The following CNTN5 variants were observed in gnomAD, a reference collection of about 807,000 sequenced individuals.
CNTN5 encodes the protein contactin 5.
Under a neutral mutation model 129.1 loss-of-function variants are expected in CNTN5, and 77 were observed. That is an observed-to-expected ratio of 0.60 (90% CI 0.50 to 0.72). CNTN5 has a LOEUF of 0.72. Among genes scored for constraint, CNTN5 ranks in the 30% least tolerant of loss-of-function variants. The probability of loss-of-function intolerance (pLI) is 0.00; values close to 1 mark genes in which losing one functional copy is unlikely to be tolerated. For missense variants in CNTN5, 1,478 were observed against 1,328.8 expected, an observed-to-expected ratio of 1.11 and a Z score of -1.75; for synonymous variants, 509 against 465.6, an observed-to-expected ratio of 1.09 and a Z score of -1.20.
intron 10 of CNTN5, among the ~76,000 whole-genome samples, chr11:100,066,473 A>G (rs1037599888): frequency 5.3e-5 from 8 of 152,162 alleles, no homozygotes; most frequent in African/African-American, 1.9e-4. Context: ...GACAAGAGAT[A>G]ATAAGCAAGA....
chr11:100,275,191 GT>G (rs1230786167), intron 18 of CNTN5, among the ~76,000 whole-genome samples: 1 of 151,838 alleles, frequency 6.6e-6, no homozygotes, highest in South Asian at 2.1e-4. Flanking sequence ...ATTATAAGTT[GT>G]TTTTTTCTGC....
chr11:99,740,284 T>A (rs7107475), intron 3 of CNTN5, among the ~76,000 whole-genome samples: 1 of 152,006 alleles, frequency 6.6e-6, no homozygotes, highest in African/African-American at 2.4e-5. Flanking sequence ...TAAGAAAAAT[T>A]TGTACAATCT....
intron 6 of CNTN5, among the ~76,000 whole-genome samples, chr11:99,875,627 C>G (rs1283141112): frequency 3.3e-5 from 5 of 152,052 alleles, no homozygotes; most frequent in African/African-American, 1.2e-4. Context: ...CCTCCCTAAT[C>G]TCTCATATTA....
chr11:99,202,340 C>T (rs949832235), intron 1 of CNTN5, among the ~76,000 whole-genome samples: 1 of 152,080 alleles, frequency 6.6e-6, no homozygotes, highest in African/African-American at 2.4e-5. Flanking sequence ...TTTATTTTGA[C>T]CATAAAAATA....
chr11:99,956,631 C>T (rs944201590), intron 7 of CNTN5, among the ~76,000 whole-genome samples, 175 bp from the exon 8 acceptor site: 1 of 151,992 alleles, frequency 6.6e-6, no homozygotes, highest in Non-Finnish European at 1.5e-5. Context: ...CAGATCTCAC[C>T]GTAGTCATTA....
At chr11:100,079,384 G>A (rs1366145698) in intron 13 of CNTN5, among the ~76,000 whole-genome samples, 1 of 152,004 alleles carries the variant, frequency 6.6e-6, no homozygotes, top group Non-Finnish European at 1.5e-5. Context: ...CATCTTTTAT[G>A]TCATAAATTT....
intron 2 of CNTN5, among the ~76,000 whole-genome samples, chr11:99,511,595 C>A (rs1166605177): frequency 1.3e-5 from 2 of 151,854 alleles, no homozygotes; most frequent in Non-Finnish European, 2.9e-5. Context: ...TCCTGGGTAT[C>A]CTTGTTAACT....
intron 13 of CNTN5, among the ~76,000 whole-genome samples, chr11:100,099,308 A>G (rs1204177303): frequency 6.6e-6 from 1 of 151,458 alleles, no homozygotes; most frequent in Non-Finnish European, 1.5e-5. Context: ...TTTCAGGCAA[A>G]CTGGGGTGGT....
chr11:100,010,608 C>T (rs1420935577), intron 9 of CNTN5, among the ~76,000 whole-genome samples: 1 of 148,856 alleles, frequency 6.7e-6, no homozygotes, highest in African/African-American at 2.5e-5. Context: ...AGTGCCCCCT[C>T]CTGGCAGTGT....
rs533512514 is a variant in CNTN5 at position 100,325,752 on chromosome 11, G to C, written c.2731-14711G>C. 2.0e-5 allele frequency among the ~76,000 whole-genome samples: 3 copies of C among 152,308 alleles called. No individual in the cohort carries two copies. In the South Asian group the frequency reaches 6.2e-4, roughly 32 times the overall value. ...ATAGACTACTGGTCTGGGAGATAAA[G>C]TCTAGAAATGGATGTCTCACCATTC... On this transcript the variant is annotated intron_variant, in intron 21 of 24. Transcript: ENST00000524871.
chr11:99,670,788 G>A (rs1418776615), intron 3 of CNTN5, among the ~76,000 whole-genome samples: 2 of 152,114 alleles, frequency 1.3e-5, no homozygotes, highest in Non-Finnish European at 2.9e-5. Context: ...TCTTATCCAT[G>A]CTGCCAACTA....
intron 1 of CNTN5, among the ~76,000 whole-genome samples, chr11:99,184,702 G>C (rs1346307696): frequency 6.6e-6 from 1 of 152,058 alleles, no homozygotes; most frequent in Non-Finnish European, 1.5e-5. Context: ...CATACAGCTT[G>C]AAGTGTATTA....
At chr11:99,890,907 A>G (rs1031923702) in intron 6 of CNTN5, among the ~76,000 whole-genome samples, 2 of 152,158 alleles carry the variant, frequency 1.3e-5, no homozygotes, top group Non-Finnish European at 2.9e-5. Flanking sequence ...TCTCTCTCAA[A>G]CCAATATCCC....
At chr11:100,340,136 G>A (rs1293119669) in intron 21 of CNTN5, among the ~76,000 whole-genome samples, 1 of 152,302 alleles carries the variant, frequency 6.6e-6, no homozygotes, top group Admixed American at 6.5e-5. Flanking sequence ...GATGACCTAT[G>A]AGAGAAAAGC....
At chr11:100,011,661 C>T (rs767769540) in intron 9 of CNTN5, among the ~76,000 whole-genome samples, 1 of 152,078 alleles carries the variant, frequency 6.6e-6, no homozygotes, top group African/African-American at 2.4e-5. Flanking sequence ...CTTTCAGATA[C>T]CATTTACAAA....
chr11:99,707,505 T>C (rs371953662), intron 3 of CNTN5, among the ~76,000 whole-genome samples: 113 of 151,834 alleles, frequency 7.4e-4, no homozygotes, highest in African/African-American at 2.6e-3. Flanking sequence ...TGAATTACAC[T>C]GGAGTGAAGA....
chr11:100,159,937 C>A (rs1947385618), intron 13 of CNTN5, among the ~76,000 whole-genome samples: 1 of 151,654 alleles, frequency 6.6e-6, no homozygotes, highest in Non-Finnish European at 1.5e-5. Context: ...TATTTCTTTT[C>A]ATATATATAC....
intron 8 of CNTN5, among the ~76,000 whole-genome samples, chr11:99,964,524 G>A (rs1015077536): frequency 4.6e-5 from 7 of 152,306 alleles, no homozygotes; most frequent in Non-Finnish European, 7.4e-5. Context: ...GATAGTGGTG[G>A]ATAAGCTTTT....
chr11:99,045,647 G>T (rs879776237), intron 1 of CNTN5, among the ~76,000 whole-genome samples: 5 of 152,138 alleles, frequency 3.3e-5, no homozygotes, highest in Non-Finnish European at 7.3e-5. Flanking sequence ...TATATCTCAG[G>T]ATTATTGCCA....
Sources: gnomAD v4.1 joint callset for allele counts (sites outside exome capture counted in the v4.1 genomes callset) on GRCh38, gnomAD v4.1.1 for gene constraint, MANE v1.5 for transcripts, NCBI Gene and HGNC (gene_info 2026-07-23, HGNC 2026-07-21) for gene names.